NALCN: variants seen among roughly 807,000 people sequenced by gnomAD.
NALCN encodes the protein sodium leak channel NALCN.
In NALCN, 111 loss-of-function variants were observed where a neutral mutation model predicts 225.3. The observed-to-expected ratio is 0.49, with a 90% CI of 0.42 to 0.58. The LOEUF is 0.58. Ranked by LOEUF, NALCN falls within the 20% of genes least tolerant of loss-of-function variation. NALCN has a pLI of 0.00. For missense variants in NALCN, 1,378 were observed against 2,202.4 expected (o/e 0.63, Z 7.49); for synonymous variants, 764 against 769.0 (o/e 0.99, Z 0.11).
intron 15 of NALCN, among the ~76,000 whole-genome samples, chr13:101,175,157 C>G (rs1035657709): frequency 9.2e-5 from 14 of 152,138 alleles, no homozygotes; most frequent in African/African-American, 3.4e-4. Context: ...GGGAAGATGC[C>G]CATTTGCCTG....
intron 10 of NALCN, among the ~76,000 whole-genome samples, chr13:101,276,607 T>G (rs907398085): frequency 1.3e-5 from 2 of 152,230 alleles, no homozygotes; most frequent in Non-Finnish European, 2.9e-5. Flanking sequence ...ATTATAATTA[T>G]AGCTATGATT....
At chr13:101,057,805 T>C in intron 43 of NALCN, 134 bp downstream of exon 43, 1 of 766,696 alleles carries the variant, frequency 1.3e-6, no homozygotes, top group Non-Finnish European at 2.3e-6. Context: ...AAGACTACAT[T>C]TTTCATTATG....
At chr13:101,195,561 T>A (rs2039855598) in intron 13 of NALCN, among the ~76,000 whole-genome samples, 2 of 152,260 alleles carry the variant, frequency 1.3e-5, no homozygotes. Context: ...TAAATCAGTT[T>A]AAATCTGAAA....
At chr13:101,154,859 A>C (rs1205118642) in intron 15 of NALCN, among the ~76,000 whole-genome samples, 1 of 152,242 alleles carries the variant, frequency 6.6e-6, no homozygotes, top group East Asian at 1.9e-4. Flanking sequence ...GGCAAAGATG[A>C]AAGAGGAGTA....
intron 7 of NALCN, among the ~76,000 whole-genome samples, chr13:101,325,635 G>T (rs1248760189): frequency 2.6e-5 from 4 of 152,160 alleles, no homozygotes; most frequent in Admixed American, 6.6e-5. Flanking sequence ...ATCCAGGCTA[G>T]TGCTAGCTGC....
intron 14 of NALCN, among the ~76,000 whole-genome samples, chr13:101,190,617 A>G (rs527954856): frequency 6.6e-6 from 1 of 152,340 alleles, no homozygotes; most frequent in African/African-American, 2.4e-5. Flanking sequence ...GTTTGAGCCC[A>G]TGACTTCACA....
intron 37 of NALCN, among the ~76,000 whole-genome samples, chr13:101,073,166 A>G (rs552745404): frequency 2.0e-5 from 3 of 152,282 alleles, no homozygotes; most frequent in Non-Finnish European, 2.9e-5. Flanking sequence ...GTATAAAGGA[A>G]GAGTAACTCA....
chr13:101,280,705 AT>A (rs775499818), intron 10 of NALCN, among the ~76,000 whole-genome samples: 53 of 152,282 alleles, frequency 3.5e-4, no homozygotes, highest in Middle Eastern at 3.4e-3. Context: ...GCTAGGAGCC[AT>A]AAGACCCAGC....
At chr13:101,142,395 G>T (rs948996930) in intron 17 of NALCN, among the ~76,000 whole-genome samples, 8 of 151,888 alleles carry the variant, frequency 5.3e-5, no homozygotes, top group African/African-American at 1.4e-4. Context: ...ACCCGCCTCG[G>T]CCTCCCAAAG....
chr13:101,114,010 G>T (rs1353293272), intron 18 of NALCN, among the ~76,000 whole-genome samples: 1 of 152,140 alleles, frequency 6.6e-6, no homozygotes, highest in Non-Finnish European at 1.5e-5. Context: ...CAGGTGCGTG[G>T]GGACTGTGTG....
At position 101,111,173 on chromosome 13, in the gene NALCN, T is replaced by C. The variant is rs1017476498; in HGVS notation, c.2246A>G (p.Lys749Arg). Residue 749 changes from lysine (K) to arginine (R), a missense_variant, in exon 19 of 44, where the codon AAG becomes AGG. Around this residue, in one of 19 missense-constraint regions of NALCN, gnomAD observed 66 missense variants for 85.7 expected, o/e 0.77. Coordinates refer to ENST00000251127, the MANE Select transcript of NALCN (RefSeq NM_052867.4). ...LSGSFEGQPAKERSILSVQHH... is the reference protein window; with the variant it reads ...LSGSFEGQPARERSILSVQHH... Reference sequence around the variant, plus strand: ...CTGCACGCTGAGGATTGACCTCTCCTTTGCGGGCTGCCCCTCAAATGATCC... The same window carrying C: ...CTGCACGCTGAGGATTGACCTCTCCCTTGCGGGCTGCCCCTCAAATGATCC... 2 of 1,608,946 alleles carry C rather than the reference T, an allele frequency of 1.2e-6. No homozygotes were observed. The highest frequency in any genetic ancestry group is 2.7e-5 in the African/African-American group (2 of 74,862).
intron 3 of NALCN, among the ~76,000 whole-genome samples, chr13:101,387,858 CAA>C (rs1276318180): frequency 1.3e-5 from 2 of 151,948 alleles, no homozygotes; most frequent in South Asian, 2.1e-4. Context: ...AAAAGCAAAA[CAA>C]ATTTACAAAT....
chr13:101,272,105 GTGTC>G (rs1407084639), intron 10 of NALCN, among the ~76,000 whole-genome samples: 2 of 151,994 alleles, frequency 1.3e-5, no homozygotes, highest in African/African-American at 4.8e-5. Flanking sequence ...GTGCATGTGT[GTGTC>G]TGTGTCACTG....
chr13:101,159,236 C>A (rs1409019799), intron 15 of NALCN, among the ~76,000 whole-genome samples: 1 of 152,174 alleles, frequency 6.6e-6, no homozygotes, highest in African/African-American at 2.4e-5. Context: ...TCAATGACAG[C>A]ATTTATTAAT....
At chr13:101,091,758 G>A (rs895420780) in intron 28 of NALCN, among the ~76,000 whole-genome samples, 3 of 152,038 alleles carry the variant, frequency 2.0e-5, no homozygotes, top group African/African-American at 7.2e-5. Flanking sequence ...GCCGGTGTTG[G>A]ACTTCCTTAC....
At chr13:101,068,123 T>TG in intron 38 of NALCN, 90 bp from the exon 39 acceptor site, 4 of 809,558 alleles carry the variant, frequency 4.9e-6, no homozygotes, top group Non-Finnish European at 7.7e-6. Flanking sequence ...TAATAATGGA[T>TG]TCTATCACCT....
intron 38 of NALCN, among the ~76,000 whole-genome samples, chr13:101,068,438 G>A (rs2032597745): frequency 6.6e-6 from 1 of 152,116 alleles, no homozygotes; most frequent in African/African-American, 2.4e-5. Flanking sequence ...TCTGATATTT[G>A]TTCAACTCAA....
chr13:101,277,486 G>C (rs930686276), intron 10 of NALCN, among the ~76,000 whole-genome samples: 2 of 151,974 alleles, frequency 1.3e-5, no homozygotes, highest in Non-Finnish European at 2.9e-5. Flanking sequence ...TTTATTCCGT[G>C]AGTCACCCAA....
chr13:101,119,130 C>G (rs2035852367), intron 18 of NALCN, among the ~76,000 whole-genome samples: 1 of 152,036 alleles, frequency 6.6e-6, no homozygotes, highest in Non-Finnish European at 1.5e-5. Context: ...TTCTTAGGGG[C>G]ACTTTCTTTC....
Sources: gnomAD v4.1 joint callset for allele counts (sites outside exome capture counted in the v4.1 genomes callset) on GRCh38, gnomAD v4.1.1 for gene constraint, gnomAD v4.1.1 regional missense constraint, MANE v1.5 for transcripts, NCBI Gene and HGNC (gene_info 2026-07-23, HGNC 2026-07-21) for gene names.